Variants in CNKSR1 observed in about 807,000 individuals in gnomAD.
CNKSR1 encodes connector enhancer of kinase suppressor of Ras 1.
CNKSR1 carries 88 observed loss-of-function variants against 95.6 expected under a neutral mutation model. That is an observed-to-expected ratio of 0.92 (90% CI 0.78 to 1.10). The LOEUF (loss-of-function observed/expected upper bound fraction) is 1.10. Ranked by LOEUF, CNKSR1 falls within the 50% of genes least tolerant of loss-of-function variation. The pLI is 0.00. For synonymous variants in CNKSR1, 355 were observed against 369.7 expected (o/e 0.96, Z 0.46); for missense variants, 836 against 912.0 (o/e 0.92, Z 1.07).
intron 20 of CNKSR1, 41 bp from the exon 21 acceptor site, chr1:26,189,238 C>G (rs1455959266): frequency 1.9e-6 from 3 of 1,611,508 alleles, no homozygotes; most frequent in Non-Finnish European, 2.5e-6. Flanking sequence ...TGCCCACTTC[C>G]CTGGGTGATC....
At chr1:26,179,103 A>T (rs1205113580) in intron 1 of CNKSR1, among the ~76,000 whole-genome samples, 1 of 152,264 alleles carries the variant, frequency 6.6e-6, no homozygotes, top group South Asian at 2.1e-4. Context: ...TAAAGCTCTT[A>T]TAGATTTGCA....
intron 9 of CNKSR1, 118 bp downstream of exon 9, chr1:26,183,948 GC>G (rs1039925140): frequency 3.8e-6 from 2 of 532,746 alleles, no homozygotes; most frequent in Non-Finnish European, 6.8e-6. Flanking sequence ...CCCCTGCTGC[GC>G]CCCCCTAGCT....
intron 7 of CNKSR1, 36 bp downstream of exon 7, chr1:26,183,292 C>G: frequency 1.2e-6 from 2 of 1,614,076 alleles, no homozygotes; most frequent in South Asian, 2.2e-5. Flanking sequence ...CGCCCATCCC[C>G]GAGGCCTCTC....
chr1:26,189,848 C>A lies in CNKSR1; in HGVS notation c.*300C>A. The stretch of plus-strand genomic sequence containing the variant: ...AGGTGTTCTTTATTTTACATGAGGG[C>A]TACTTTCCAACCAAATAAAGTCAAT... On this transcript the variant is annotated 3_prime_UTR_variant, in exon 21 of 21. Transcript: ENST00000361530. 1 of 614,318 alleles carries A rather than the reference C, an allele frequency of 1.6e-6. No individual in the cohort carries two copies. The highest frequency in any genetic ancestry group is 3.0e-6 in the Non-Finnish European group (1 of 336,190). The allele number at this position is 614,318 out of a possible 1,614,324, so 38.1% of individuals were successfully genotyped here.
At chr1:26,189,095 G>A (rs1238504364) in intron 20 of CNKSR1, 142 bp downstream of exon 20, 13 of 1,261,610 alleles carry the variant, frequency 1.0e-5, no homozygotes, top group Non-Finnish European at 1.4e-5. Flanking sequence ...CTGACAGCGG[G>A]CTCAGCTGTG....
chr1:26,183,358 T>A lies in CNKSR1; in HGVS notation c.697T>A (p.Ser233Thr). The A allele has an allele frequency of 6.2e-7, 1 of 1,614,134 alleles. No individual in the cohort carries two copies. Among genetic ancestry groups the A allele is most frequent in the East Asian group, 2.2e-5 (1 of 44,862 alleles). Residue 233 changes from serine (S) to threonine (T), a missense_variant, in exon 8 of 21, where the codon TCC (serine) becomes ACC (threonine). Ser to Thr is a moderately conservative substitution (Grantham distance 58). Coordinates refer to ENST00000361530, the MANE Select transcript of CNKSR1 (RefSeq NM_006314.3). ...SQVDTQVPTDSRLQIQPGDEV... is the reference protein window; with the variant it reads ...SQVDTQVPTDTRLQIQPGDEV... The stretch of plus-strand genomic sequence containing the variant: ...TTCCCCACGTCAGGTTCCCACTGAC[T>A]CCCGACTGCAGATCCAGCCTGGAGA...
rs2088813062 is a variant in CNKSR1 at position 26,188,944 on chromosome 1, C to A, written c.1863C>A (p.Ser621Arg). The A allele has an allele frequency of 1.2e-6, 2 of 1,613,400 alleles. No homozygotes were observed. Among genetic ancestry groups the A allele is most frequent in the Non-Finnish European group, 8.5e-7 (1 of 1,179,686 alleles). The change falls in exon 20 of 21, where the codon AGC becomes AGA. Residue 621 changes from serine (S) to arginine (R), a missense_variant. By Grantham distance (110) the Ser-to-Arg change is moderately radical. Coordinates refer to ENST00000361530, the MANE Select transcript of CNKSR1 (RefSeq NM_006314.3). ...ERVHRVRALQ[S>R]TLKAKLQELQ... ...TGCACCGTGTGCGGGCGCTACAGAGCACACTCAAGGTCAGCTGGGGGGCTC... is the reference window on the plus strand; with the variant it reads ...TGCACCGTGTGCGGGCGCTACAGAGAACACTCAAGGTCAGCTGGGGGGCTC...
chr1:26,182,050 G>A, intron 4 of CNKSR1, 109 bp downstream of exon 4: 2 of 1,107,918 alleles, frequency 1.8e-6, no homozygotes, highest in Non-Finnish European at 2.7e-6. Flanking sequence ...ATTGAGACGG[G>A]CGAGAAAGGA....
chr1:26,185,241 T>C, intron 14 of CNKSR1, 55 bp downstream of exon 14: 1 of 1,510,078 alleles, frequency 6.6e-7, no homozygotes, highest in Non-Finnish European at 9.0e-7. Context: ...CAGGCCTCGA[T>C]TCTCATCTCT....
chr1:26,188,288 C>T lies in CNKSR1; in HGVS notation c.1509C>T (p.Ala503=), dbSNP rs775236395. ...CISKYQSPGR[A]PPPREEDCYS... ...CCAAGTACCAGTCTCCAGGCCGGGC[C>T]CCCCCACCCCGAGAGGAAGGTAGGT... Residue 503 remains alanine, a synonymous_variant, in exon 17 of 21, where the codon GCC becomes GCT. Coordinates refer to ENST00000361530, the MANE Select transcript of CNKSR1 (RefSeq NM_006314.3). The T allele has an allele frequency of 6.2e-7, 1 of 1,614,048 alleles. No individual in the cohort carries two copies. Among genetic ancestry groups the T allele is most frequent in the Non-Finnish European group, 8.5e-7 (1 of 1,179,992 alleles).
At chr1:26,184,170 G>A (rs774529421) in intron 10 of CNKSR1, 29 bp downstream of exon 10, 9 of 1,612,106 alleles carry the variant, frequency 5.6e-6, no homozygotes, top group Middle Eastern at 3.3e-4. Context: ...GTGTGTCTTG[G>A]TGGGGAGACC....
Position 26,187,444 on chromosome 1 carries a change from C to T in CNKSR1, c.1416C>T (p.Pro472=). The T allele has an allele frequency of 1.2e-6, 2 of 1,614,030 alleles. No individual in the cohort carries two copies. Among genetic ancestry groups the T allele is most frequent in the Non-Finnish European group, 1.7e-6 (2 of 1,179,994 alleles). The change falls in exon 16 of 21, where the codon CCC becomes CCT. Residue 472 remains proline (P), a synonymous_variant. Transcript: ENST00000361530. ...AGCTCACCCATGATGTGTACAAACCCTTCATCTTCGCTGCTGATACCCTGA... is the reference window on the plus strand; with the variant it reads ...AGCTCACCCATGATGTGTACAAACCTTTCATCTTCGCTGCTGATACCCTGA... The part of the protein sequence containing the change: ...VFQLTHDVYK[P]FIFAADTLTD...
chr1:26,182,735 C>G lies in CNKSR1; in HGVS notation c.624+151C>G, dbSNP rs539125876. 3 of 771,686 alleles carry G rather than the reference C, an allele frequency of 3.9e-6. No homozygotes were observed. The South Asian group carries it at 4.9e-5, about 12-fold the overall frequency. 47.8% of individuals were successfully genotyped at this position (771,686 alleles called of 1,614,324 possible). On this transcript the variant is annotated intron_variant, in intron 6 of 20. Transcript: ENST00000361530. ...CTAAAATGGAGGCCCAGAGGATTGGCCAGGGTCTCCCGTTGCTCTGCACCT... is the reference window on the plus strand; with the variant it reads ...CTAAAATGGAGGCCCAGAGGATTGGGCAGGGTCTCCCGTTGCTCTGCACCT...
rs2088729141 is a variant in CNKSR1 at position 26,185,243 on chromosome 1, C to CTCA, written c.1308+60_1308+62dup. ...AGTGAGTCACTTCCAGGCCTCGATT[C>CTCA]TCATCTCTATTCTATCATCCACTCT... On this transcript the variant is annotated intron_variant, in intron 14 of 20. Coordinates refer to ENST00000361530, the MANE Select transcript of CNKSR1 (RefSeq NM_006314.3). The CTCA allele has an allele frequency of 3.5e-5, 52 of 1,505,312 alleles. 1 individual carries two copies. The South Asian group carries it at 5.8e-4, about 17-fold the overall frequency. 93.2% of individuals were successfully genotyped at this position (1,505,312 alleles called of 1,614,324 possible). A position where few individuals can be genotyped will look rare whatever the true frequency, so the allele number is the denominator to read the frequency against.
At chr1:26,180,165 A>G in intron 1 of CNKSR1, 1 of 493,502 alleles carries the variant, frequency 2.0e-6, no homozygotes, top group Non-Finnish European at 3.7e-6. Flanking sequence ...CCAACCTCAG[A>G]GTTTCTGATT....
chr1:26,187,183 G>T lies in CNKSR1; in HGVS notation c.1324G>T (p.Gly442Cys). 6.2e-7 allele frequency: 1 copy of T among 1,613,894 alleles called. No homozygotes were observed. The highest frequency in any genetic ancestry group is 8.5e-7 in the Non-Finnish European group (1 of 1,179,864). The part of the protein sequence containing the change: ...YRQPQDEKAE[G>C]LINVSNYSLE... ...ATCCCCCCAGGATGAGAAGGCTGAG[G>T]GCCTCATCAATGTCTCCAACTATAG... The change falls in exon 15 of 21, where the codon GGC becomes TGC. Residue 442 changes from glycine to cysteine, a missense_variant. Gly to Cys is a radical substitution (Grantham distance 159). Transcript: ENST00000361530.
At chr1:26,189,160 C>T (rs1026834515) in intron 20 of CNKSR1, 119 bp from the exon 21 acceptor site, 180 of 1,380,850 alleles carry the variant, frequency 1.3e-4, no homozygotes, top group Middle Eastern at 2.3e-4. Context: ...CTAGGCTCCT[C>T]GTGCCACGCT....
intron 16 of CNKSR1, 116 bp downstream of exon 16, chr1:26,187,598 C>A: frequency 8.3e-5 from 66 of 795,070 alleles, no homozygotes; most frequent in Non-Finnish European, 1.3e-4. Flanking sequence ...AGTGGTTGGT[C>A]AAGATACTCA....
At chr1:26,183,481 G>C (rs2088682236) in intron 8 of CNKSR1, 67 bp downstream of exon 8, 5 of 1,539,404 alleles carry the variant, frequency 3.2e-6, no homozygotes, top group Non-Finnish European at 4.5e-6. Flanking sequence ...TCTGGTGGGT[G>C]GGGAGGCAAC....
Sources: gnomAD v4.1 joint callset for allele counts (sites outside exome capture counted in the v4.1 genomes callset) on GRCh38, gnomAD v4.1.1 for gene constraint, MANE v1.5 for transcripts, NCBI Gene and HGNC (gene_info 2026-07-23, HGNC 2026-07-21) for gene names.